TGFB2: variants seen among roughly 807,000 people sequenced by gnomAD.
TGFB2 encodes the protein transforming growth factor beta 2.
TGFB2 carries 13 observed loss-of-function variants against 42.7 expected under a neutral mutation model. The ratio of observed to expected loss-of-function variants is 0.30; its 90% CI spans 0.20 to 0.48. TGFB2 has a LOEUF of 0.48. TGFB2 is among the 20% of genes least tolerant of loss of function. TGFB2 has a pLI of 0.99. For synonymous variants in TGFB2, 193 were observed against 193.6 expected, an observed-to-expected ratio of 1.00 and a Z score of 0.03; for missense variants, 390 against 517.5, an observed-to-expected ratio of 0.75 and a Z score of 2.39.
At position 218,436,250 on chromosome 1, in the gene TGFB2, A is replaced by G. The variant is rs1022918067; in HGVS notation, c.932+103A>G. The stretch of plus-strand genomic sequence containing the variant: ...ATTGACCCAAGTGGAACTCACTGCT[A>G]AGGCCAGATAGAGTGCAGTACAGCT... On this transcript the variant is annotated intron_variant, in intron 5 of 6. Transcript: ENST00000366930. 4 of 1,207,642 alleles carry G rather than the reference A, an allele frequency of 3.3e-6. No homozygotes were observed. In the African/African-American group the frequency reaches 6.1e-5, roughly 18 times the overall value. The allele number at this position is 1,207,642 out of a possible 1,614,324, so 74.8% of individuals were successfully genotyped here.
At chr1:218,387,570 C>G (rs527877410) in intron 1 of TGFB2, among the ~76,000 whole-genome samples, 6 of 152,190 alleles carry the variant, frequency 3.9e-5, no homozygotes, top group Admixed American at 3.9e-4. Flanking sequence ...CCCAATTATT[C>G]TTTTAGACAC....
intron 1 of TGFB2, among the ~76,000 whole-genome samples, chr1:218,381,258 G>GTTTTTGT (rs1553296764): frequency 3.6e-5 from 5 of 137,746 alleles, no homozygotes; most frequent in Non-Finnish European, 6.2e-5. Flanking sequence ...TTTTGTTTTT[G>GTTTTTGT]TTTTTTTTTT....
chr1:218,423,905 T>G (rs1042326185), intron 2 of TGFB2, among the ~76,000 whole-genome samples: 1 of 152,210 alleles, frequency 6.6e-6, no homozygotes, highest in Admixed American at 6.5e-5. Flanking sequence ...ATGAGAGAAT[T>G]ATAGATCCAG....
chr1:218,393,170 G>A (rs542179111), intron 1 of TGFB2, among the ~76,000 whole-genome samples: 1 of 152,312 alleles, frequency 6.6e-6, no homozygotes, highest in East Asian at 1.9e-4. Context: ...GAGCTGCAGG[G>A]GAAAGTGCAT....
At chr1:218,435,130 T>G (rs1314941888) in intron 4 of TGFB2, among the ~76,000 whole-genome samples, 4 of 152,198 alleles carry the variant, frequency 2.6e-5, no homozygotes. Context: ...AATCCATGCC[T>G]ATGTGCCGAT....
chr1:218,415,850 G>T (rs1258269035), intron 2 of TGFB2, among the ~76,000 whole-genome samples: 1 of 151,948 alleles, frequency 6.6e-6, no homozygotes, highest in East Asian at 1.9e-4. Context: ...TTCCTGTGAG[G>T]AGAATGCCTA....
intron 1 of TGFB2, among the ~76,000 whole-genome samples, chr1:218,387,919 G>C (rs1455470667): frequency 6.6e-6 from 1 of 152,172 alleles, no homozygotes; most frequent in East Asian, 1.9e-4. Context: ...ACCATGCCAT[G>C]AAGTTCATGT....
At chr1:218,423,852 C>A (rs1320813108) in intron 2 of TGFB2, among the ~76,000 whole-genome samples, 2 of 152,206 alleles carry the variant, frequency 1.3e-5, no homozygotes, top group African/African-American at 4.8e-5. Context: ...ACTTAATTTT[C>A]TCGACAAACA....
At chr1:218,350,810 A>G (rs1366417159) in intron 1 of TGFB2, among the ~76,000 whole-genome samples, 1 of 152,222 alleles carries the variant, frequency 6.6e-6, no homozygotes, top group African/African-American at 2.4e-5. Context: ...TGATGTTAGA[A>G]CAGAGAAAAA....
chr1:218,414,587 C>T (rs925777743), intron 2 of TGFB2, among the ~76,000 whole-genome samples: 3 of 151,942 alleles, frequency 2.0e-5, no homozygotes, highest in Non-Finnish European at 4.4e-5. Flanking sequence ...GATCAAATGG[C>T]GTGCTTGCCT....
At chr1:218,389,436 T>C (rs916799223) in intron 1 of TGFB2, among the ~76,000 whole-genome samples, 3 of 152,184 alleles carry the variant, frequency 2.0e-5, no homozygotes, top group Non-Finnish European at 2.9e-5. Context: ...CGGTCCCATA[T>C]GCACCTGCTT....
intron 1 of TGFB2, among the ~76,000 whole-genome samples, chr1:218,349,817 C>T (rs574271044): frequency 6.0e-4 from 92 of 152,256 alleles, no homozygotes; most frequent in African/African-American, 1.9e-3. Context: ...TATATAAATA[C>T]AGTAAATATG....
chr1:218,354,648 A>C (rs976917628), intron 1 of TGFB2, among the ~76,000 whole-genome samples: 4 of 152,214 alleles, frequency 2.6e-5, no homozygotes, highest in African/African-American at 9.7e-5. Context: ...CAGCCACCAC[A>C]GGTAATAGGA....
At chr1:218,401,478 G>C (rs147121474) in intron 1 of TGFB2, among the ~76,000 whole-genome samples, 1 of 152,324 alleles carries the variant, frequency 6.6e-6, no homozygotes, top group Non-Finnish European at 1.5e-5. Context: ...AGCCTGGGAG[G>C]AGGACCAGAA....
intron 2 of TGFB2, among the ~76,000 whole-genome samples, chr1:218,417,568 G>GC (rs1186730873): frequency 1.3e-5 from 2 of 152,232 alleles, no homozygotes; most frequent in African/African-American, 4.8e-5. Flanking sequence ...GAAGCTGGAT[G>GC]CAAAAATTTG....
At chr1:218,421,495 T>A (rs1659454382) in intron 2 of TGFB2, among the ~76,000 whole-genome samples, 1 of 152,008 alleles carries the variant, frequency 6.6e-6, no homozygotes, top group Admixed American at 6.6e-5. Flanking sequence ...AGGGATTGGG[T>A]AAGCTGCCAT....
intron 1 of TGFB2, among the ~76,000 whole-genome samples, chr1:218,366,360 G>T (rs561317652): frequency 6.6e-6 from 1 of 152,092 alleles, no homozygotes; most frequent in Non-Finnish European, 1.5e-5. Flanking sequence ...AGGCTGGAGT[G>T]TGGTAGCATG....
At chr1:218,352,687 C>T (rs1196909945) in intron 1 of TGFB2, among the ~76,000 whole-genome samples, 1 of 152,190 alleles carries the variant, frequency 6.6e-6, no homozygotes, top group East Asian at 1.9e-4. Flanking sequence ...TCACCACTAC[C>T]TTACTTCCTG....
At position 218,441,394 on chromosome 1, in the gene TGFB2, C is replaced by CAATGATGATGAT; in HGVS notation, c.*44_*55dup. 6.3e-7 allele frequency: 1 copy of CAATGATGATGAT among 1,583,800 alleles called. No homozygotes were observed. On this transcript the variant is annotated 3_prime_UTR_variant, in exon 7 of 7. Coordinates refer to ENST00000366930, the MANE Select transcript of TGFB2 (RefSeq NM_003238.6). ...TGGAAAAGTGGCAAGACCAAAATGA[C>CAATGATGATGAT]AATGATGATGATAATGATGATGACG...
Sources: allele counts gnomAD v4.1 joint callset (sites outside exome capture counted in the v4.1 genomes callset), GRCh38; gene constraint gnomAD v4.1.1; transcripts MANE v1.5; gene names NCBI Gene and HGNC (gene_info 2026-07-23, HGNC 2026-07-21).